SH2B3: variants seen among roughly 807,000 people sequenced by gnomAD.
SH2B3 encodes SH2B adapter protein 3.
In SH2B3, 43 loss-of-function variants were observed where a neutral mutation model predicts 51.9. That is an observed-to-expected ratio of 0.83 (90% confidence interval 0.65 to 1.07). The LOEUF is 1.07. Among genes scored for constraint, SH2B3 ranks in the 50% least tolerant of loss-of-function variants. The probability of loss-of-function intolerance (pLI) is 0.00; values close to 1 mark genes in which losing one functional copy is unlikely to be tolerated. For synonymous variants in SH2B3, 396 were observed against 376.0 expected (o/e 1.05, Z -0.62); for missense variants, 952 against 834.3 (o/e 1.14, Z -1.74).
Position 111,418,243 on chromosome 12 carries a change from A to ACGC in SH2B3, c.101_103dup (p.Ala34dup). 6.4e-7 allele frequency: 1 copy of ACGC among 1,555,084 alleles called. No homozygotes were observed. The highest frequency in any genetic ancestry group is 8.6e-7 in the Non-Finnish European group (1 of 1,159,382). ...GGCTGGAGCGAGTTCTGTGAGTTGC[A>ACGC]CGCCGTAGCGGCGGCCCGGGAGCTG... On this transcript the variant is annotated inframe_insertion, in exon 2 of 8. Transcript: ENST00000341259. This position sits in a 1 kb window ranked among gnomAD's most constrained non-coding sequence, Gnocchi z 6.7.
At chr12:111,423,865 C>A (rs768313815) in intron 2 of SH2B3, among the ~76,000 whole-genome samples, 72 of 152,246 alleles carry the variant, frequency 4.7e-4, no homozygotes, top group Non-Finnish European at 8.4e-4. Context: ...ATAATCCCAG[C>A]ACTTTGGGAG....
chr12:111,431,244 A>AC (rs1357203679), intron 2 of SH2B3, among the ~76,000 whole-genome samples: 1 of 151,068 alleles, frequency 6.6e-6, no homozygotes, highest in African/African-American at 2.4e-5. Flanking sequence ...GCTGCCTGGG[A>AC]CCCCCCACCC....
At chr12:111,417,078 G>A (rs1194077889) in intron 1 of SH2B3, among the ~76,000 whole-genome samples, 6 of 152,114 alleles carry the variant, frequency 3.9e-5, no homozygotes, top group South Asian at 2.1e-4. Flanking sequence ...TTGCTTTTTC[G>A]CTTAGTGAAT....
rs925690444 is a variant in SH2B3 at position 111,435,373 on chromosome 12, T to C, written c.733-11380T>C. On this transcript the variant is annotated intron_variant, in intron 2 of 7. Transcript: ENST00000341259. This position sits in a 1 kb window ranked among gnomAD's most constrained non-coding sequence, Gnocchi z 4.8. ...GCTACAGTCCTCACTGGTGTTTTTT[T>C]TGTTTTTGAGAGGGCATCTTGAAGT... Among the ~76,000 whole-genome samples, 1 of 152,178 alleles carries C rather than the reference T, an allele frequency of 6.6e-6. No individual in the cohort carries two copies. Among genetic ancestry groups the C allele is most frequent in the African/African-American group, 2.4e-5 (1 of 41,446 alleles).
chr12:111,415,003 C>T (rs1870977521), intron 1 of SH2B3, among the ~76,000 whole-genome samples: 1 of 152,218 alleles, frequency 6.6e-6, no homozygotes, highest in Non-Finnish European at 1.5e-5. Context: ...CAGTGTTCGT[C>T]TGTGCTGTTC....
At position 111,418,698 on chromosome 12, in the gene SH2B3, T is replaced by C; in HGVS notation, c.553T>C (p.Trp185Arg). The C allele has an allele frequency of 6.7e-7, 1 of 1,487,950 alleles. No homozygotes were observed. Among genetic ancestry groups the C allele is most frequent in the Non-Finnish European group, 8.9e-7 (1 of 1,126,700 alleles). The allele number at this position is 1,487,950 out of a possible 1,614,324, so 92.2% of individuals were successfully genotyped here. The change falls in exon 2 of 8, where the codon TGG becomes CGG. Residue 185 changes from tryptophan (W) to arginine (R), a missense_variant. Trp to Arg is a moderately radical substitution (Grantham distance 101). Coordinates refer to ENST00000341259, the MANE Select transcript of SH2B3 (RefSeq NM_005475.3). This position sits in a 1 kb window ranked among gnomAD's most constrained non-coding sequence, Gnocchi z 6.7. ...RPGLAKKFLP[W>R]SLAREPPPEA... ...TGGCCTGGCCAAGAAGTTCCTGCCCTGGAGCCTGGCCCGGGAGCCGCCACC... is the reference window on the plus strand; with the variant it reads ...TGGCCTGGCCAAGAAGTTCCTGCCCCGGAGCCTGGCCCGGGAGCCGCCACC...
intron 2 of SH2B3, among the ~76,000 whole-genome samples, chr12:111,439,156 T>C (rs1873168125): frequency 6.6e-6 from 1 of 152,070 alleles, no homozygotes; most frequent in Admixed American, 6.5e-5. Flanking sequence ...TATTTTTGTA[T>C]TTTTTTGTGT....
At position 111,447,540 on chromosome 12, in the gene SH2B3, C is replaced by T; in HGVS notation, c.1232C>T (p.Ala411Val). 1 of 1,135,454 alleles carries T rather than the reference C, an allele frequency of 8.8e-7. No homozygotes were observed. Among genetic ancestry groups the T allele is most frequent in the Non-Finnish European group, 1.2e-6 (1 of 831,856 alleles). 70.3% of individuals were successfully genotyped at this position (1,135,454 alleles called of 1,614,324 possible). ...YVLTFNFQGI[A>V]KHLRLSLTER... ...CTCACTTTCAACTTTCAGGGGATAG[C>T]CAAGGTATGGGGTGGGGTGGGGTGG... Residue 411 changes from alanine (A) to valine (V), a missense_variant, in exon 6 of 8, where the codon GCC becomes GTC. By Grantham distance (64) the Ala-to-Val change is moderately conservative (BLOSUM62 0). Transcript: ENST00000341259.
Position 111,448,293 on chromosome 12 carries a change from A to T in SH2B3, c.1719A>T (p.Thr573=), listed in dbSNP as rs755314960. ...SHLRAIDNQY[T]PL Reference sequence around the variant, plus strand: ...TGCGGGCCATAGACAATCAGTACACACCTCTCTGACCAGTGAGGAATTCCA... The same window carrying T: ...TGCGGGCCATAGACAATCAGTACACTCCTCTCTGACCAGTGAGGAATTCCA... Residue 573 remains threonine, a synonymous_variant, in exon 8 of 8, where the codon ACA becomes ACT. Transcript: ENST00000341259. 1 of 1,597,372 alleles carries T rather than the reference A, an allele frequency of 6.3e-7. No individual in the cohort carries two copies. The highest frequency in any genetic ancestry group is 2.2e-5 in the East Asian group (1 of 44,448).
At position 111,418,338 on chromosome 12, in the gene SH2B3, C is replaced by T; in HGVS notation, c.193C>T (p.Leu65=). 5.2e-6 allele frequency: 8 copies of T among 1,524,684 alleles called. No individual in the cohort carries two copies. Among genetic ancestry groups the T allele is most frequent in the Non-Finnish European group, 6.1e-6 (7 of 1,141,710 alleles). The allele number at this position is 1,524,684 out of a possible 1,614,324, so 94.4% of individuals were successfully genotyped here. ...GCCGCTGCGCGCCGAGCTGGTGTCG[C>T]TGCAGTTCACCGACCTCTTCCAGCG... ...HAPLRAELVS[L]QFTDLFQRYF... Residue 65 remains leucine (L), a synonymous_variant, in exon 2 of 8, where the codon CTG becomes TTG. Coordinates refer to ENST00000341259, the MANE Select transcript of SH2B3 (RefSeq NM_005475.3). This position sits in a 1 kb window ranked among gnomAD's most constrained non-coding sequence, Gnocchi z 6.7.
At chr12:111,426,397 T>G (rs58338209) in intron 2 of SH2B3, among the ~76,000 whole-genome samples, 5,341 of 151,266 alleles carry the variant, frequency 0.035, 355 homozygotes, top group African/African-American at 0.12. Flanking sequence ...TTTTTTTTTT[T>G]TTTTTGTTAA....
chr12:111,438,160 C>A lies in SH2B3; in HGVS notation c.733-8593C>A, dbSNP rs1350734743. Among the ~76,000 whole-genome samples, 1 of 149,666 alleles carries A rather than the reference C, an allele frequency of 6.7e-6. No homozygotes were observed. The highest frequency in any genetic ancestry group is 6.6e-5 in the Admixed American group (1 of 15,080). The stretch of plus-strand genomic sequence containing the variant: ...AGGCAGGGCATCACAAATGCAGGGG[C>A]TGGGTGGCAGGGGAAGGTGTGGGCG... On this transcript the variant is annotated intron_variant, in intron 2 of 7. Coordinates refer to ENST00000341259, the MANE Select transcript of SH2B3 (RefSeq NM_005475.3). This position sits in a 1 kb window ranked among gnomAD's most constrained non-coding sequence, Gnocchi z 4.2.
chr12:111,418,598 C>G lies in SH2B3; in HGVS notation c.453C>G (p.Ala151=), dbSNP rs777704860. The G allele has an allele frequency of 6.7e-7, 1 of 1,491,932 alleles. No individual in the cohort carries two copies. The highest frequency in any genetic ancestry group is 2.1e-5 in the Admixed American group (1 of 47,100). 92.4% of individuals were successfully genotyped at this position (1,491,932 alleles called of 1,614,324 possible). A position where few individuals can be genotyped will look rare whatever the true frequency, so the allele number is the denominator to read the frequency against. The change falls in exon 2 of 8, where the codon GCC becomes GCG. Residue 151 remains alanine, a synonymous_variant. Coordinates refer to ENST00000341259, the MANE Select transcript of SH2B3 (RefSeq NM_005475.3). The surrounding 1 kb of genome is among the most constrained non-coding windows in gnomAD (Gnocchi z 6.7). ...SLRHIFRRRS[A]GELPAAHTAA... is the part of the protein sequence containing the mutation. ...GCCACATCTTCCGCCGCCGCTCGGC[C>G]GGGGAGCTGCCAGCGGCCCACACCG...
intron 7 of SH2B3, 55 bp from the exon 8 acceptor site, chr12:111,447,928 T>C (rs541527031): frequency 6.5e-7 from 1 of 1,548,858 alleles, no homozygotes; most frequent in Admixed American, 1.7e-5. Flanking sequence ...TTCTGTGTCC[T>C]GTCAGCACTT....
intron 2 of SH2B3, among the ~76,000 whole-genome samples, chr12:111,423,093 T>C (rs1212956143): frequency 6.6e-6 from 1 of 152,126 alleles, no homozygotes; most frequent in East Asian, 1.9e-4. Flanking sequence ...GTGTTTAGCA[T>C]GTTTTGAAGA....
Position 111,436,786 on chromosome 12 carries a change from T to C in SH2B3, c.733-9967T>C, listed in dbSNP as rs533261124. On this transcript the variant is annotated intron_variant, in intron 2 of 7. Coordinates refer to ENST00000341259, the MANE Select transcript of SH2B3 (RefSeq NM_005475.3). ...GGGCTTTGTGTCTGTGTCCCTGTGA[T>C]TCTCTGACATGCAGGAGGACCATGA... 3.9e-5 allele frequency among the ~76,000 whole-genome samples: 6 copies of C among 152,178 alleles called. No homozygotes were observed. The South Asian group carries it at 1.2e-3, about 32-fold the overall frequency.
chr12:111,445,212 C>T (rs1398564016), intron 2 of SH2B3, among the ~76,000 whole-genome samples: 1 of 152,148 alleles, frequency 6.6e-6, no homozygotes, highest in African/African-American at 2.4e-5. Flanking sequence ...CAGGCCTGGC[C>T]TATATCCTCC....
upstream of SH2B3, among the ~76,000 whole-genome samples, chr12:111,405,748 A>T (rs1224256774): frequency 6.6e-6 from 1 of 152,090 alleles, no homozygotes; most frequent in Non-Finnish European, 1.5e-5. This position sits in a 1 kb window ranked among gnomAD's most constrained non-coding sequence, Gnocchi z 5.4. Context: ...GCCGCGGACT[A>T]GCGGGATTGG....
At position 111,418,015 on chromosome 12, in the gene SH2B3, T is replaced by A. The variant is rs1385132373; in HGVS notation, c.-27-104T>A. 1 of 827,344 alleles carries A rather than the reference T, an allele frequency of 1.2e-6. No homozygotes were observed. Among genetic ancestry groups the A allele is most frequent in the African/African-American group, 1.8e-5 (1 of 55,230 alleles). The allele number at this position is 827,344 out of a possible 1,614,324, so 51.3% of individuals were successfully genotyped here. On this transcript the variant is annotated intron_variant, in intron 1 of 7. Transcript: ENST00000341259. The surrounding 1 kb of genome is among the most constrained non-coding windows in gnomAD (Gnocchi z 6.7). ...GCATCTTCACCAGCACTGGGTGTTA[T>A]GGTCGCGTTGGATTTCTGCTGTGGT...
Sources: gnomAD v4.1 joint callset for allele counts (sites outside exome capture counted in the v4.1 genomes callset) on GRCh38, gnomAD v4.1.1 for gene constraint, Gnocchi (gnomAD v3.1) non-coding constraint, MANE v1.5 for transcripts, NCBI Gene and HGNC (gene_info 2026-07-23, HGNC 2026-07-21) for gene names.